Variants in DMD observed in about 807,000 individuals in gnomAD.
DMD encodes mutant dystrophin.
DMD carries 63 observed loss-of-function variants against 330.1 expected under a neutral mutation model. That is an observed-to-expected ratio of 0.19 (90% CI 0.16 to 0.24). The LOEUF (loss-of-function observed/expected upper bound fraction) is 0.24, where lower values mean the gene tolerates loss of function less well. Ranked by LOEUF, DMD falls within the 10% of genes least tolerant of loss-of-function variation. The probability of loss-of-function intolerance (pLI) is 1.00; values close to 1 mark genes in which losing one functional copy is unlikely to be tolerated. For synonymous variants in DMD, 1,223 were observed against 959.8 expected, an observed-to-expected ratio of 1.27 and a Z score of -5.07; for missense variants, 3,344 against 2,684.1, an observed-to-expected ratio of 1.25 and a Z score of -5.43.
intron 1 of DMD, among the ~76,000 whole-genome samples, chrX:33,287,044 A>G (rs2053443849): frequency 1.8e-5 from 2 of 111,970 alleles, no homozygotes; most frequent in South Asian, 7.5e-4. Context: ...ATGGAATGCC[A>G]TGGACTGTGA....
At chrX:32,395,922 C>A (rs535651578) in intron 30 of DMD, among the ~76,000 whole-genome samples, 40 of 111,071 alleles carry the variant, frequency 3.6e-4, no homozygotes, top group South Asian at 1.5e-3. Context: ...CTTCTATAAA[C>A]CAGCATTTAA....
At chrX:33,222,869 G>A (rs1463092059) in intron 1 of DMD, among the ~76,000 whole-genome samples, 1 of 111,813 alleles carries the variant, frequency 8.9e-6, no homozygotes, top group Non-Finnish European at 1.9e-5. Flanking sequence ...GGATGGGAAG[G>A]CTCAATATTT....
In DMD at chrX:32,039,738, C is replaced by A. The variant is rs758886338; in HGVS notation, c.6439-71224G>T. ...CTCAAAATGTTCCTGAAATAGATCT[C>A]AAAATGTATTCCCTCTGTCTAGTTG... On this transcript the variant is annotated intron_variant, in intron 44 of 78. Transcript: ENST00000357033. Among the ~76,000 whole-genome samples the A allele has an allele frequency of 2.0e-3, 229 of 111,900 alleles. 1 individual carries two copies. Among genetic ancestry groups the A allele is most frequent in the African/African-American group, 7.3e-3 (226 of 30,832 alleles).
At chrX:32,210,937 A>G (rs1009728546) in intron 44 of DMD, among the ~76,000 whole-genome samples, 2 of 111,914 alleles carry the variant, frequency 1.8e-5, no homozygotes, top group African/African-American at 6.5e-5. Flanking sequence ...CTCCAACTCC[A>G]TTGTGCTCTC....
chrX:32,905,405 G>T (rs1023135686), intron 2 of DMD, among the ~76,000 whole-genome samples: 3 of 111,298 alleles, frequency 2.7e-5, no homozygotes, highest in Non-Finnish European at 5.7e-5. Flanking sequence ...TGAGAAAAAT[G>T]CAACTTTTTG....
chrX:31,386,277 A>G (rs1203102716), intron 60 of DMD, among the ~76,000 whole-genome samples: 2 of 111,462 alleles, frequency 1.8e-5, no homozygotes, highest in Non-Finnish European at 3.8e-5. Flanking sequence ...CCTAATGTAA[A>G]TGACGAGTTA....
At chrX:33,043,828 T>G (rs1268516322) in intron 1 of DMD, among the ~76,000 whole-genome samples, 3 of 94,795 alleles carry the variant, frequency 3.2e-5, no homozygotes, top group African/African-American at 1.1e-4. Flanking sequence ...ATGCTATCCC[T>G]CCCCCCTCCC....
intron 63 of DMD, among the ~76,000 whole-genome samples, chrX:31,260,631 T>C (rs1306034495): frequency 9.1e-6 from 1 of 110,234 alleles, no homozygotes; most frequent in Non-Finnish European, 1.9e-5. Context: ...CAGTTTTCTA[T>C]CTTCGTGGGA....
Position 32,575,264 on chromosome X carries a change from TA to T in DMD, c.1603-1419del, listed in dbSNP as rs368122898. On this transcript the variant is annotated intron_variant, in intron 13 of 78. Coordinates refer to ENST00000357033, the MANE Select transcript of DMD (RefSeq NM_004006.3). ...TTAAATTGTTTAATCTATCACCACT[TA>T]AAAAAAAATACACGCATGGGTAAAC... Among the ~76,000 whole-genome samples, 115 of 109,779 alleles carry T rather than the reference TA, an allele frequency of 1.0e-3. 1 individual carries two copies. Among genetic ancestry groups the T allele is most frequent in the South Asian group, 3.9e-4 (1 of 2,585 alleles).
At chrX:31,951,190 T>TG in intron 45 of DMD, among the ~76,000 whole-genome samples, 2 of 96,978 alleles carry the variant, frequency 2.1e-5, no homozygotes, top group African/African-American at 3.7e-5. Context: ...TATATATATC[T>TG]TAATAGATAT....
intron 13 of DMD, among the ~76,000 whole-genome samples, chrX:32,592,063 G>C (rs970988577): frequency 8.9e-6 from 1 of 111,835 alleles, no homozygotes; most frequent in Non-Finnish European, 1.9e-5. Flanking sequence ...AGGATGGTTC[G>C]GTGTGGGCCT....
chrX:31,568,527 A>G (rs2075589291), intron 55 of DMD, among the ~76,000 whole-genome samples: 1 of 111,975 alleles, frequency 8.9e-6, no homozygotes, highest in Non-Finnish European at 1.9e-5. Context: ...GTTTGTCACT[A>G]GTAATTTTCT....
chrX:31,840,051 C>T (rs982484763), intron 48 of DMD, among the ~76,000 whole-genome samples: 4 of 111,162 alleles, frequency 3.6e-5, no homozygotes, highest in Admixed American at 2.9e-4. Flanking sequence ...CTTTTTCACT[C>T]ATCGAGCATA....
chrX:32,741,122 T>C (rs1214935480), intron 7 of DMD, among the ~76,000 whole-genome samples: 2 of 111,679 alleles, frequency 1.8e-5, no homozygotes, highest in East Asian at 5.6e-4. Flanking sequence ...AATGTCATAG[T>C]GTAATAGAAT....
chrX:32,580,192 C>T (rs2053508408), intron 13 of DMD, among the ~76,000 whole-genome samples: 1 of 110,947 alleles, frequency 9.0e-6, no homozygotes, highest in Non-Finnish European at 1.9e-5. Flanking sequence ...TTTCCTCTTC[C>T]TTATCGTTTT....
chrX:32,806,906 A>T, intron 7 of DMD, among the ~76,000 whole-genome samples: 1 of 109,983 alleles, frequency 9.1e-6, no homozygotes, highest in Non-Finnish European at 1.9e-5. Context: ...GAGAACAAAG[A>T]TACAATGTGC....
At chrX:33,329,898 G>A (rs745832990) in intron 1 of DMD, among the ~76,000 whole-genome samples, 15 of 111,374 alleles carry the variant, frequency 1.3e-4, no homozygotes, top group Non-Finnish European at 2.3e-4. Context: ...TTATATATTC[G>A]TGTTATAGTT....
intron 1 of DMD, among the ~76,000 whole-genome samples, chrX:33,267,675 C>CTTATA (rs2053068874): frequency 1.8e-5 from 2 of 111,478 alleles, no homozygotes; most frequent in African/African-American, 6.5e-5. Flanking sequence ...ACTACAGTAG[C>CTTATA]CAATACAGCA....
chrX:33,193,872 A>G (rs751137770), intron 1 of DMD, among the ~76,000 whole-genome samples: 3 of 111,471 alleles, frequency 2.7e-5, no homozygotes, highest in Non-Finnish European at 3.8e-5. Flanking sequence ...TCACTTTTGG[A>G]TATTAATTAA....
Sources: allele counts gnomAD v4.1 joint callset (sites outside exome capture counted in the v4.1 genomes callset), GRCh38; gene constraint gnomAD v4.1.1; transcripts MANE v1.5; gene names NCBI Gene and HGNC (gene_info 2026-07-23, HGNC 2026-07-21).